Variants in SEC16B observed in about 807,000 individuals in gnomAD.
The protein encoded by SEC16B is SEC16 homolog B, endoplasmic reticulum export factor.
In SEC16B, 115 loss-of-function variants were observed where a neutral mutation model predicts 141.8. That is an observed-to-expected ratio of 0.81 (90% CI 0.70 to 0.95). The LOEUF is 0.95. Ranked by LOEUF, SEC16B falls within the 40% of genes least tolerant of loss-of-function variation. The pLI is 0.00. For synonymous variants in SEC16B, 493 were observed against 492.5 expected (o/e 1.00, Z -0.01); for missense variants, 1,291 against 1,312.3 (o/e 0.98, Z 0.25).
intron 11 of SEC16B, 102 bp from the exon 12 acceptor site, chr1:177,952,097 G>T: frequency 2.1e-6 from 2 of 965,864 alleles, no homozygotes; most frequent in African/African-American, 1.6e-5. Context: ...GATTTTGGCA[G>T]CTTCCTTAGG....
rs1653660509 is a variant in SEC16B, at chr1:177,967,773, G to A, written c.209C>T (p.Pro70Leu). 1.2e-6 allele frequency: 2 copies of A among 1,613,892 alleles called. No homozygotes were observed. The highest frequency in any genetic ancestry group is 1.1e-5 in the South Asian group (1 of 91,092). ...GTCCCCTGGCCTGGATGCATAATGG[G>A]GCTGCTGCTGATGGTCTGCCCTGGG... ...QEPRADHQQQ[P>L]HYASRPGDWH... Residue 70 changes from proline (P) to leucine (L), a missense_variant, in exon 2 of 26, where the codon CCC (proline) becomes CTC (leucine). Physicochemically the swap from Pro to Leu is moderately conservative, Grantham distance 98. Around this residue, in one of 3 missense-constraint regions of SEC16B, gnomAD observed 681 missense variants for 675.5 expected, o/e 1.01. Transcript: ENST00000308284.
chr1:177,965,758 TGCTATGGTCTCGTCTG>T, intron 3 of SEC16B, 119 bp downstream of exon 3: 1 of 589,558 alleles, frequency 1.7e-6, no homozygotes, highest in Non-Finnish European at 3.0e-6. Flanking sequence ...GGAGTGTTTC[TGCTATGGTCTCGTCTG>T]GCCAAGAAAG....
At chr1:177,946,363 G>A (rs10159204) in intron 14 of SEC16B, 57 bp downstream of exon 14, 32,275 of 1,267,560 alleles carry the variant, frequency 0.025, 685 homozygotes, top group East Asian at 0.078. Context: ...CCCAACAAGG[G>A]CTAAAACAGT....
chr1:177,969,234 T>C (rs1452969704), intron 1 of SEC16B, among the ~76,000 whole-genome samples: 3 of 152,238 alleles, frequency 2.0e-5, no homozygotes, highest in East Asian at 1.9e-4. Flanking sequence ...GGTGTTGAAA[T>C]TGAGACGTCA....
intron 18 of SEC16B, among the ~76,000 whole-genome samples, chr1:177,939,375 A>G (rs1651106552): frequency 6.6e-6 from 1 of 152,248 alleles, no homozygotes; most frequent in South Asian, 2.1e-4. Flanking sequence ...CAATCTCTGG[A>G]CTCAAGAAAT....
Position 177,967,748 on chromosome 1 carries a change from G to A in SEC16B, c.234C>T (p.Asp78=). Residue 78 remains aspartate (D), a synonymous_variant, in exon 2 of 26, where the codon GAC becomes GAT. Coordinates refer to ENST00000308284, the MANE Select transcript of SEC16B (RefSeq NM_033127.4). ...CAACTCCAGACACAGGCTGATGCCA[G>A]TCCCCTGGCCTGGATGCATAATGGG... The part of the protein sequence containing the change: ...QQPHYASRPG[D]WHQPVSGVDY... 1 of 1,613,752 alleles carries A rather than the reference G, an allele frequency of 6.2e-7. No individual in the cohort carries two copies. The highest frequency in any genetic ancestry group is 8.5e-7 in the Non-Finnish European group (1 of 1,179,696).
intron 9 of SEC16B, 52 bp downstream of exon 9, chr1:177,958,788 T>C (rs777721115): frequency 2.4e-5 from 38 of 1,573,008 alleles, no homozygotes; most frequent in Non-Finnish European, 3.1e-5. Flanking sequence ...ATCTATCCCA[T>C]GAAGACTTAA....
Position 177,939,791 on chromosome 1 carries a change from A to G in SEC16B, c.2128-14T>C. 1 of 1,550,124 alleles carries G rather than the reference A, an allele frequency of 6.5e-7. No homozygotes were observed. The highest frequency in any genetic ancestry group is 8.8e-7 in the Non-Finnish European group (1 of 1,141,670). ...TGCTACCTTTTGCTATTTAAAATAAAGTAAAATTCCTTTTAAGCAGCACAA... is the reference window on the plus strand; with the variant it reads ...TGCTACCTTTTGCTATTTAAAATAAGGTAAAATTCCTTTTAAGCAGCACAA... On this transcript the variant is annotated splice_polypyrimidine_tract_variant and intron_variant, in intron 17 of 25. Transcript: ENST00000308284.
chr1:177,962,591 A>C (rs1351194043), intron 5 of SEC16B, among the ~76,000 whole-genome samples: 3 of 151,720 alleles, frequency 2.0e-5, no homozygotes, highest in African/African-American at 7.3e-5. Context: ...CAAAACATAA[A>C]AAAATTTAGC....
At chr1:177,932,405 G>A in intron 24 of SEC16B, 85 bp downstream of exon 24, 1 of 1,043,382 alleles carries the variant, frequency 9.6e-7, no homozygotes, top group Admixed American at 3.3e-5. Flanking sequence ...TTCGCCAGGA[G>A]TCAGCACTGC....
chr1:177,960,910 T>G lies in SEC16B; in HGVS notation c.817A>C (p.Met273Leu), dbSNP rs763189212. 1 of 1,613,982 alleles carries G rather than the reference T, an allele frequency of 6.2e-7. No homozygotes were observed. Among genetic ancestry groups the G allele is most frequent in the South Asian group, 1.1e-5 (1 of 91,082 alleles). The change falls in exon 7 of 26, where the codon ATG becomes CTG. Residue 273 changes from methionine to leucine, a missense_variant. Met to Leu is a conservative substitution (Grantham distance 15). Coordinates refer to ENST00000308284, the MANE Select transcript of SEC16B (RefSeq NM_033127.4). ...GGAACATGAGGGATGTAGAACTTCA[T>G]GGGTGCTTTGGGACCAGCTGAGGAG... The part of the protein sequence containing the change: ...DVSSAGPKAP[M>L]KFYIPHVPVS...
chr1:177,960,180 G>A (rs1322453733), intron 8 of SEC16B, 162 bp downstream of exon 8: 1 of 614,504 alleles, frequency 1.6e-6, no homozygotes, highest in African/African-American at 1.9e-5. Flanking sequence ...AAATGACTCA[G>A]GCCACATCTG....
At chr1:177,936,216 T>A (rs536796003) in intron 20 of SEC16B, 82 bp downstream of exon 20, 1 of 1,088,656 alleles carries the variant, frequency 9.2e-7, no homozygotes, top group East Asian at 2.5e-5. Flanking sequence ...GGAGCTTGCA[T>A]GTGGCTGGGA....
intron 10 of SEC16B, among the ~76,000 whole-genome samples, chr1:177,957,096 T>A (rs1464905531): frequency 6.6e-6 from 1 of 152,164 alleles, no homozygotes; most frequent in Non-Finnish European, 1.5e-5. Context: ...TGGAAATTAA[T>A]TTGGTGTATA....
At chr1:177,978,204 A>G (rs1302189128) in intron 1 of SEC16B, among the ~76,000 whole-genome samples, 2 of 152,216 alleles carry the variant, frequency 1.3e-5, no homozygotes, top group African/African-American at 4.8e-5. Flanking sequence ...AAGTGTCCCC[A>G]TTTGCTAAAT....
chr1:177,935,321 A>G (rs1650753521), intron 20 of SEC16B, among the ~76,000 whole-genome samples: 1 of 152,168 alleles, frequency 6.6e-6, no homozygotes, highest in African/African-American at 2.4e-5. Context: ...CTCAGTGAAT[A>G]TTTCAAATAA....
Position 177,937,227 on chromosome 1 carries a change from T to A in SEC16B, c.2490A>T (p.Thr830=), listed in dbSNP as rs745486117. 2.2e-5 allele frequency: 36 copies of A among 1,612,218 alleles called. No homozygotes were observed. In the East Asian group the frequency reaches 8.0e-4, roughly 36 times the overall value. Residue 830 remains threonine (T), a synonymous_variant, in exon 19 of 26, where the codon ACA becomes ACT. Coordinates refer to ENST00000308284, the MANE Select transcript of SEC16B (RefSeq NM_033127.4). ...GGTVWEEMLQ[T]HLGPGENTVS... is the part of the protein sequence containing the mutation. ...GCCAGGTCTTACCAGGGCCCAGGTGTGTCTGCAGCATTTCCTCCCAGACTG... is the reference window on the plus strand; with the variant it reads ...GCCAGGTCTTACCAGGGCCCAGGTGAGTCTGCAGCATTTCCTCCCAGACTG...
At chr1:177,938,644 T>C (rs1188860790) in intron 18 of SEC16B, among the ~76,000 whole-genome samples, 1 of 152,160 alleles carries the variant, frequency 6.6e-6, no homozygotes, top group African/African-American at 2.4e-5. Flanking sequence ...AACACTGCCT[T>C]GTATGATCCC....
At chr1:177,930,365 T>C (rs574133383) in intron 25 of SEC16B, among the ~76,000 whole-genome samples, 180 bp downstream of exon 25, 1 of 152,324 alleles carries the variant, frequency 6.6e-6, no homozygotes, top group South Asian at 2.1e-4. Context: ...TTCATATACA[T>C]ATCTCTGAGC....
Sources: allele counts gnomAD v4.1 joint callset (sites outside exome capture counted in the v4.1 genomes callset), GRCh38; gene constraint gnomAD v4.1.1; regional missense constraint gnomAD v4.1.1; transcripts MANE v1.5; gene names NCBI Gene and HGNC (gene_info 2026-07-23, HGNC 2026-07-21).